Variants in TRIM39 observed in about 807,000 individuals in gnomAD.
TRIM39 encodes E3 ubiquitin-protein ligase TRIM39.
Under a neutral mutation model 53.6 loss-of-function variants are expected in TRIM39, and 5 were observed. That is an observed-to-expected ratio of 0.09 (90% CI 0.05 to 0.20). The LOEUF (loss-of-function observed/expected upper bound fraction) is 0.20. Ranked by LOEUF, TRIM39 falls within the 10% of genes least tolerant of loss-of-function variation. The pLI, the probability that TRIM39 is intolerant of heterozygous loss-of-function variation, is 1.00. For synonymous variants in TRIM39, 196 were observed against 237.6 expected, an observed-to-expected ratio of 0.82 and a Z score of 1.61; for missense variants, 310 against 621.0, an observed-to-expected ratio of 0.50 and a Z score of 5.32.
exon 7 of TRIM39, chr6:30,340,605 C>T (rs1787398984): frequency 6.2e-7 from 1 of 1,612,196 alleles, no homozygotes; most frequent in Non-Finnish European, 8.5e-7. Flanking sequence ...AAGGAAAATC[C>T]TTAAACAGCT....
chr6:30,330,333 T>C (rs1476891080), intron 3 of TRIM39, among the ~76,000 whole-genome samples: 2 of 152,244 alleles, frequency 1.3e-5, no homozygotes, highest in Non-Finnish European at 2.9e-5. Context: ...TATACTTTGC[T>C]TAGTTATGTT....
chr6:30,339,442 C>G lies in TRIM39; in HGVS notation c.781-466C>G. On this transcript the variant is annotated intron_variant, in intron 5 of 7. Transcript: ENST00000396551. The surrounding 1 kb of genome is among the most constrained non-coding windows in gnomAD (Gnocchi z 4.2). Reference sequence around the variant, plus strand: ...CAGATTACAGGCGTGAGCTACTGTGCCCAGCCAGTTATTGATGTTTATTAA... The same window carrying G: ...CAGATTACAGGCGTGAGCTACTGTGGCCAGCCAGTTATTGATGTTTATTAA... 6.6e-6 allele frequency among the ~76,000 whole-genome samples: 1 copy of G among 152,168 alleles called. No homozygotes were observed. Among genetic ancestry groups the G allele is most frequent in the East Asian group, 1.9e-4 (1 of 5,198 alleles).
rs1787137041 is a variant in TRIM39, at chr6:30,338,597, A to G, written c.781-1311A>G. 6.7e-6 allele frequency among the ~76,000 whole-genome samples: 1 copy of G among 150,168 alleles called. No homozygotes were observed. Among genetic ancestry groups the G allele is most frequent in the Admixed American group, 6.7e-5 (1 of 14,856 alleles). ...CATCAAAGATCACTGATCACAGATC[A>G]TACTAGATATAATAATGAAAAAGTG... On this transcript the variant is annotated intron_variant, in intron 5 of 7. Transcript: ENST00000396551. This position sits in a 1 kb window ranked among gnomAD's most constrained non-coding sequence, Gnocchi z 4.0.
intron 6 of TRIM39, 87 bp from the exon 7 acceptor site, chr6:30,340,418 C>T: frequency 8.1e-6 from 13 of 1,608,586 alleles, no homozygotes; most frequent in Non-Finnish European, 1.0e-5. Context: ...TAATTTCTCC[C>T]TAAAAATGTT....
At position 30,330,765 on chromosome 6, in the gene TRIM39, C is replaced by T; in HGVS notation, c.454-16C>T. 1 of 1,613,782 alleles carries T rather than the reference C, an allele frequency of 6.2e-7. No homozygotes were observed. The highest frequency in any genetic ancestry group is 2.2e-5 in the East Asian group (1 of 44,882). On this transcript the variant is annotated splice_polypyrimidine_tract_variant and intron_variant, in intron 3 of 7. Coordinates refer to ENST00000396551, the Ensembl canonical transcript of TRIM39. The stretch of plus-strand genomic sequence containing the variant: ...ACCCCAAATGTCACCTCTCCCACTT[C>T]CTCCCTACCCCTCAGGAAAAACTGC...
chr6:30,338,710 C>T lies in TRIM39; in HGVS notation c.781-1198C>T, dbSNP rs1036170119. Among the ~76,000 whole-genome samples, 9 of 151,634 alleles carry T rather than the reference C, an allele frequency of 5.9e-5. No individual in the cohort carries two copies. The highest frequency in any genetic ancestry group is 1.3e-4 in the Admixed American group (2 of 15,196). On this transcript the variant is annotated intron_variant, in intron 5 of 7. Transcript: ENST00000396551. The surrounding 1 kb of genome is among the most constrained non-coding windows in gnomAD (Gnocchi z 4.0). ...AAAACATGGTGCCAGTAGACTTGCT[C>T]AACACAGGTTGCCACAAACCATCTA...
chr6:30,335,993 G>C lies in TRIM39; in HGVS notation c.780+18G>C. ...TGCTTAAGGTTCGACCTTTGCCCCT[G>C]CATAGCCCCTCAGGCTGAGTGCAGC... On this transcript the variant is annotated intron_variant, in intron 5 of 7. Transcript: ENST00000396551. The surrounding 1 kb of genome is among the most constrained non-coding windows in gnomAD (Gnocchi z 4.7). The C allele has an allele frequency of 6.2e-7, 1 of 1,612,658 alleles. No individual in the cohort carries two copies. The highest frequency in any genetic ancestry group is 8.5e-7 in the Non-Finnish European group (1 of 1,179,894).
chr6:30,331,113 CA>C (rs1377831828), intron 4 of TRIM39, among the ~76,000 whole-genome samples: 1 of 151,740 alleles, frequency 6.6e-6, no homozygotes, highest in Non-Finnish European at 1.5e-5. Context: ...TTACTAAAAA[CA>C]AAAAATTAGC....
chr6:30,340,325 A>G (rs1435513042), intron 6 of TRIM39, 180 bp from the exon 7 acceptor site: 2 of 1,612,954 alleles, frequency 1.2e-6, no homozygotes, highest in Non-Finnish European at 8.5e-7. Context: ...CCACGGGATC[A>G]TAAGGCTCTC....
chr6:30,334,325 T>TAAGTTTACAGGCATGAGCCACC (rs1786599797), intron 4 of TRIM39, among the ~76,000 whole-genome samples: 1 of 152,212 alleles, frequency 6.6e-6, no homozygotes, highest in Admixed American at 6.5e-5. Flanking sequence ...GGGAGATCAC[T>TAAGTTTACAGGCATGAGCCACC]ATTTGTTGTA....
rs563374660 is a variant in TRIM39, at chr6:30,339,677, T to C, written c.781-231T>C. ...CAAAGACAAGCATAAAAGAAATCAT[T>C]GGGAAGTGATATAAATGACCAAGCT... is the stretch of plus-strand genomic sequence containing the variant. On this transcript the variant is annotated intron_variant, in intron 5 of 7. Coordinates refer to ENST00000396551, the Ensembl canonical transcript of TRIM39. The surrounding 1 kb of genome is among the most constrained non-coding windows in gnomAD (Gnocchi z 4.2). Among the ~76,000 whole-genome samples the C allele has an allele frequency of 1.8e-3, 267 of 152,242 alleles. 2 individuals are homozygous for C. Among genetic ancestry groups the C allele is most frequent in the Middle Eastern group, 6.8e-3 (2 of 294 alleles).
chr6:30,326,952 C>G (rs1026380980), exon 1 of TRIM39: 3 of 152,182 alleles, frequency 2.0e-5, no homozygotes, highest in African/African-American at 4.8e-5. Flanking sequence ...AGGCAGCGCT[C>G]CGGCGGCTCC....
chr6:30,332,228 G>A (rs755006041), intron 4 of TRIM39, among the ~76,000 whole-genome samples: 1 of 152,176 alleles, frequency 6.6e-6, no homozygotes, highest in Non-Finnish European at 1.5e-5. Context: ...CCTGGTTTAG[G>A]CCAAACCCGG....
intron 3 of TRIM39, among the ~76,000 whole-genome samples, chr6:30,330,535 T>C (rs1048841267): frequency 2.8e-4 from 43 of 152,086 alleles, no homozygotes; most frequent in African/African-American, 1.0e-3. Flanking sequence ...TGATGACAGC[T>C]ATCTCAGATT....
At chr6:30,334,733 G>A (rs1013450290) in intron 4 of TRIM39, among the ~76,000 whole-genome samples, 7 of 151,760 alleles carry the variant, frequency 4.6e-5, no homozygotes, top group Non-Finnish European at 7.4e-5. Flanking sequence ...TTTTTGTTTC[G>A]TTGTTTTTTG....
intron 7 of TRIM39, among the ~76,000 whole-genome samples, chr6:30,340,939 G>C (rs1787445551): frequency 2.0e-5 from 3 of 152,156 alleles, no homozygotes; most frequent in Admixed American, 2.0e-4. Flanking sequence ...CGGGTGCGGT[G>C]GCTCACATCT....
chr6:30,336,807 GT>G (rs768863529), intron 5 of TRIM39, among the ~76,000 whole-genome samples: 3 of 152,154 alleles, frequency 2.0e-5, no homozygotes, highest in Non-Finnish European at 4.4e-5. Context: ...AATCACAAAT[GT>G]TCTTAATGGC....
In TRIM39 at chr6:30,334,977, G is replaced by A. The variant is rs3778625; in HGVS notation, c.550-768G>A. 4.2e-3 allele frequency among the ~76,000 whole-genome samples: 643 copies of A among 152,108 alleles called. 7 individuals are homozygous for A. The East Asian group carries it at 0.044, about 10-fold the overall frequency. On this transcript the variant is annotated intron_variant, in intron 4 of 7. Transcript: ENST00000396551. ...GGCCTCAAGTGATCCTCTCACCTGG[G>A]CCTCCTAAGCACTAAGTTTACAGGC...
chr6:30,331,359 A>T (rs183823200), intron 4 of TRIM39, among the ~76,000 whole-genome samples: 38 of 152,348 alleles, frequency 2.5e-4, no homozygotes, highest in African/African-American at 7.5e-4. Flanking sequence ...GTCATTAAAC[A>T]TTGTACTTAA....
Sources: gnomAD v4.1 joint callset for allele counts (sites outside exome capture counted in the v4.1 genomes callset) on GRCh38, gnomAD v4.1.1 for gene constraint, Gnocchi (gnomAD v3.1) non-coding constraint, MANE v1.5 for transcripts, NCBI Gene and HGNC (gene_info 2026-07-23, HGNC 2026-07-21) for gene names.